Variants in NET1 observed in about 807,000 individuals in gnomAD.
NET1 encodes neuroepithelial cell transforming 1.
In NET1, 42 loss-of-function variants were observed where a neutral mutation model predicts 61.1. The ratio of observed to expected loss-of-function variants is 0.69; its 90% CI spans 0.54 to 0.89. NET1 has a LOEUF of 0.89. NET1 is among the 40% of genes least tolerant of loss of function. NET1 has a pLI of 0.00. For synonymous variants in NET1, 254 were observed against 281.8 expected (o/e 0.90, Z 0.99); for missense variants, 654 against 747.3 (o/e 0.88, Z 1.46).
Position 5,452,988 on chromosome 10 carries a change from A to G in NET1, c.594+68A>G. ...TTACATTTCACAAAATCTAAAGGAT[A>G]GTTTTCTTAACCTTTAGAAGTAGAA... On this transcript the variant is annotated intron_variant, in intron 6 of 11. Coordinates refer to ENST00000355029, the MANE Select transcript of NET1 (RefSeq NM_001047160.3). The surrounding 1 kb of genome is among the most constrained non-coding windows in gnomAD (Gnocchi z 4.0). 9.0e-7 allele frequency: 1 copy of G among 1,111,678 alleles called. No homozygotes were observed. Among genetic ancestry groups the G allele is most frequent in the Non-Finnish European group, 1.4e-6 (1 of 731,844 alleles). The allele number at this position is 1,111,678 out of a possible 1,614,324, so 68.9% of individuals were successfully genotyped here.
In NET1 at chr10:5,446,624, A is replaced by C; in HGVS notation, c.256-5206A>C. 1 of 1,268,410 alleles carries C rather than the reference A, an allele frequency of 7.9e-7. No individual in the cohort carries two copies. The highest frequency in any genetic ancestry group is 1.0e-6 in the Non-Finnish European group (1 of 1,003,220). 78.6% of individuals were successfully genotyped at this position (1,268,410 alleles called of 1,614,324 possible). Reference sequence around the variant, plus strand: ...TGCGGCTCTCAGAAGCCTCTGCTCCACCGCGGCGAGAGGCATGGGCACGTG... The same window carrying C: ...TGCGGCTCTCAGAAGCCTCTGCTCCCCCGCGGCGAGAGGCATGGGCACGTG... On this transcript the variant is annotated intron_variant, in intron 3 of 11. Transcript: ENST00000355029. This position sits in a 1 kb window ranked among gnomAD's most constrained non-coding sequence, Gnocchi z 5.0.
intron 1 of NET1, among the ~76,000 whole-genome samples, chr10:5,425,506 TAA>T (rs1157701654): frequency 2.0e-5 from 3 of 152,198 alleles, no homozygotes; most frequent in Admixed American, 6.6e-5. Flanking sequence ...AGGACTTCAT[TAA>T]TAACTGCCAG....
In NET1 at chr10:5,449,053, G is replaced by C. The variant is rs934581342; in HGVS notation, c.256-2777G>C. Among the ~76,000 whole-genome samples, 2 of 152,046 alleles carry C rather than the reference G, an allele frequency of 1.3e-5. No individual in the cohort carries two copies. The highest frequency in any genetic ancestry group is 3.9e-4 in the East Asian group (2 of 5,180). ...TGTATTCCGAAAGACACAAATTTTTGTCCCAATCTTTTAGGTGGCCTGTGA... is the reference window on the plus strand; with the variant it reads ...TGTATTCCGAAAGACACAAATTTTTCTCCCAATCTTTTAGGTGGCCTGTGA... On this transcript the variant is annotated intron_variant, in intron 3 of 11. Transcript: ENST00000355029. This position sits in a 1 kb window ranked among gnomAD's most constrained non-coding sequence, Gnocchi z 4.4.
chr10:5,418,533 C>A (rs149932853), intron 1 of NET1, among the ~76,000 whole-genome samples: 16 of 152,088 alleles, frequency 1.1e-4, no homozygotes, highest in Non-Finnish European at 2.4e-4. Context: ...TGTCTTCTTT[C>A]TTTTTATGAT....
rs1832310880 is a variant in NET1, at chr10:5,429,286, A to G, written c.255+57A>G. On this transcript the variant is annotated intron_variant, in intron 3 of 11. Transcript: ENST00000355029. The stretch of plus-strand genomic sequence containing the variant: ...TTTAAAAATATGCAGATAGCATTTT[A>G]TTTCTGTGCTGCAAGAATAACAAAT... 6.3e-6 allele frequency: 8 copies of G among 1,264,532 alleles called. No homozygotes were observed. In the South Asian group the frequency reaches 8.2e-5, roughly 13 times the overall value. 78.3% of individuals were successfully genotyped at this position (1,264,532 alleles called of 1,614,324 possible).
In NET1 at chr10:5,429,314, T is replaced by C. The variant is rs1022016799; in HGVS notation, c.255+85T>C. The C allele has an allele frequency of 2.0e-5, 22 of 1,111,966 alleles. No homozygotes were observed. In the African/African-American group the frequency reaches 3.4e-4, roughly 17 times the overall value. 68.9% of individuals were successfully genotyped at this position (1,111,966 alleles called of 1,614,324 possible). A position where few individuals can be genotyped will look rare whatever the true frequency, so the allele number is the denominator to read the frequency against. Reference sequence around the variant, plus strand: ...TCTGTGCTGCAAGAATAACAAATGCTGGTTTGGGTTTTTTTGTTTTTTTGT... The same window carrying C: ...TCTGTGCTGCAAGAATAACAAATGCCGGTTTGGGTTTTTTTGTTTTTTTGT... On this transcript the variant is annotated intron_variant, in intron 3 of 11. Transcript: ENST00000355029.
rs141719067 is a variant in NET1, at chr10:5,421,698, C to T, written c.129-4957C>T. Among the ~76,000 whole-genome samples, 18 of 152,252 alleles carry T rather than the reference C, an allele frequency of 1.2e-4. No individual in the cohort carries two copies. The highest frequency in any genetic ancestry group is 4.3e-4 in the African/African-American group (18 of 41,556). On this transcript the variant is annotated intron_variant, in intron 1 of 11. Coordinates refer to ENST00000355029, the MANE Select transcript of NET1 (RefSeq NM_001047160.3). This position sits in a 1 kb window ranked among gnomAD's most constrained non-coding sequence, Gnocchi z 4.2. ...ATTCACCCTTTGTAGGTGAACAATT[C>T]AGTAATTATCAGTAAATTTATAGAG...
intron 3 of NET1, among the ~76,000 whole-genome samples, chr10:5,436,071 A>G (rs1369424808): frequency 6.6e-6 from 1 of 151,102 alleles, no homozygotes; most frequent in African/African-American, 2.4e-5. Flanking sequence ...ACAAACTAGA[A>G]CACTTCTAAA....
rs1832182473 is a variant in NET1, at chr10:5,422,080, C to T, written c.129-4575C>T. Among the ~76,000 whole-genome samples the T allele has an allele frequency of 6.6e-6, 1 of 152,064 alleles. No individual in the cohort carries two copies. Among genetic ancestry groups the T allele is most frequent in the Non-Finnish European group, 1.5e-5 (1 of 68,004 alleles). ...AGTGTAGGCTGGGCGCGGTGGCTCA[C>T]GCCTATAATCCCAGCACTTTGGGAG... is the stretch of plus-strand genomic sequence containing the variant. On this transcript the variant is annotated intron_variant, in intron 1 of 11. Coordinates refer to ENST00000355029, the MANE Select transcript of NET1 (RefSeq NM_001047160.3). This position sits in a 1 kb window ranked among gnomAD's most constrained non-coding sequence, Gnocchi z 4.1.
chr10:5,453,133 T>G lies in NET1; in HGVS notation c.595-117T>G, dbSNP rs1028915163. 2.6e-6 allele frequency: 2 copies of G among 755,422 alleles called. No individual in the cohort carries two copies. The highest frequency in any genetic ancestry group is 1.7e-5 in the African/African-American group (1 of 57,400). 46.8% of individuals were successfully genotyped at this position (755,422 alleles called of 1,614,324 possible). A position where few individuals can be genotyped will look rare whatever the true frequency, so the allele number is the denominator to read the frequency against. Reference sequence around the variant, plus strand: ...TTAATACATACTAATTTATTTTATGTGTAGCAAACAGAATCCACGCTAGCT... The same window carrying G: ...TTAATACATACTAATTTATTTTATGGGTAGCAAACAGAATCCACGCTAGCT... On this transcript the variant is annotated intron_variant, in intron 6 of 11. Coordinates refer to ENST00000355029, the MANE Select transcript of NET1 (RefSeq NM_001047160.3). This position sits in a 1 kb window ranked among gnomAD's most constrained non-coding sequence, Gnocchi z 4.9.
chr10:5,412,902 G>C lies in NET1; in HGVS notation c.128+82G>C. ...CGAACGGGAGGTGAGTGTTGGAGAG[G>C]CAAGGGCCGGGGGGAGGGGAGGGCT... On this transcript the variant is annotated intron_variant, in intron 1 of 11. Coordinates refer to ENST00000355029, the MANE Select transcript of NET1 (RefSeq NM_001047160.3). The surrounding 1 kb of genome is among the most constrained non-coding windows in gnomAD (Gnocchi z 6.5). 1.1e-6 allele frequency: 1 copy of C among 936,420 alleles called. No individual in the cohort carries two copies. The highest frequency in any genetic ancestry group is 3.5e-5 in the South Asian group (1 of 28,348). 58.0% of individuals were successfully genotyped at this position (936,420 alleles called of 1,614,324 possible). A position where few individuals can be genotyped will look rare whatever the true frequency, so the allele number is the denominator to read the frequency against.
intron 1 of NET1, among the ~76,000 whole-genome samples, chr10:5,414,002 T>C (rs987087172): frequency 4.6e-5 from 7 of 152,192 alleles, no homozygotes; most frequent in South Asian, 2.1e-4. Context: ...TAGGAAATGA[T>C]TTCCTATTGT....
chr10:5,452,265 TTGTC>T lies in NET1; in HGVS notation c.364-91_364-88del. 3 of 1,141,686 alleles carry T rather than the reference TTGTC, an allele frequency of 2.6e-6. No homozygotes were observed. Among genetic ancestry groups the T allele is most frequent in the Non-Finnish European group, 3.5e-6 (3 of 850,778 alleles). The allele number at this position is 1,141,686 out of a possible 1,614,324, so 70.7% of individuals were successfully genotyped here. A position where few individuals can be genotyped will look rare whatever the true frequency, so the allele number is the denominator to read the frequency against. On this transcript the variant is annotated intron_variant, in intron 4 of 11. Coordinates refer to ENST00000355029, the MANE Select transcript of NET1 (RefSeq NM_001047160.3). This position sits in a 1 kb window ranked among gnomAD's most constrained non-coding sequence, Gnocchi z 4.0. The stretch of plus-strand genomic sequence containing the variant: ...TCTGCATTGAGAAATTCTCAGAACT[TTGTC>T]TTTCTTCACTTTAAAAAAAAAGAAA...
chr10:5,454,364 C>T lies in NET1; in HGVS notation c.868C>T (p.Leu290Phe). The change falls in exon 9 of 12, where the codon CTC becomes TTC. Residue 290 changes from leucine (L) to phenylalanine (F), a missense_variant. Coordinates refer to ENST00000355029, the MANE Select transcript of NET1 (RefSeq NM_001047160.3). The surrounding 1 kb of genome is among the most constrained non-coding windows in gnomAD (Gnocchi z 8.1). ...ACAGGATCCAAGAGTCCAAGACTTCCTCCAGCGATGTCTCGAGTCTCCCTT... is the reference window on the plus strand; with the variant it reads ...ACAGGATCCAAGAGTCCAAGACTTCTTCCAGCGATGTCTCGAGTCTCCCTT... ...KKQDPRVQDF[L>F]QRCLESPFSR... The T allele has an allele frequency of 1.2e-6, 2 of 1,614,186 alleles. No homozygotes were observed. Among genetic ancestry groups the T allele is most frequent in the Non-Finnish European group, 1.7e-6 (2 of 1,180,016 alleles).
chr10:5,450,012 CTG>C (rs1292627714), intron 3 of NET1, among the ~76,000 whole-genome samples: 4 of 152,166 alleles, frequency 2.6e-5, no homozygotes, highest in African/African-American at 9.7e-5. Flanking sequence ...ACTCTTTGTG[CTG>C]TCTTTACTAA....
rs532837284 is a variant in NET1, at chr10:5,420,110, T to G, written c.129-6545T>G. On this transcript the variant is annotated intron_variant, in intron 1 of 11. Coordinates refer to ENST00000355029, the MANE Select transcript of NET1 (RefSeq NM_001047160.3). This position sits in a 1 kb window ranked among gnomAD's most constrained non-coding sequence, Gnocchi z 5.3. Reference sequence around the variant, plus strand: ...GTTTCTCTGAAGTTTTTTTCTGCTCTTTTCTCTTTTCCTCTCTTTCTGATA... The same window carrying G: ...GTTTCTCTGAAGTTTTTTTCTGCTCGTTTCTCTTTTCCTCTCTTTCTGATA... 2.0e-5 allele frequency among the ~76,000 whole-genome samples: 3 copies of G among 152,348 alleles called. No individual in the cohort carries two copies. The East Asian group carries it at 5.8e-4, about 29-fold the overall frequency.
chr10:5,422,693 T>C lies in NET1; in HGVS notation c.129-3962T>C, dbSNP rs1832195656. ...AGATATTCCAAGATGTATGTATTAG[T>C]TGAGACTCTCATGCAGATGAGAAAA... is the stretch of plus-strand genomic sequence containing the variant. On this transcript the variant is annotated intron_variant, in intron 1 of 11. Transcript: ENST00000355029. This position sits in a 1 kb window ranked among gnomAD's most constrained non-coding sequence, Gnocchi z 4.1. Among the ~76,000 whole-genome samples, 1 of 152,176 alleles carries C rather than the reference T, an allele frequency of 6.6e-6. No homozygotes were observed. Among genetic ancestry groups the C allele is most frequent in the Admixed American group, 6.5e-5 (1 of 15,288 alleles).
intron 1 of NET1, among the ~76,000 whole-genome samples, chr10:5,413,040 G>T (rs1832027406): frequency 1.5e-5 from 2 of 132,206 alleles, no homozygotes; most frequent in East Asian, 2.5e-4. Flanking sequence ...CGGGGTTGGG[G>T]GGGGGGACGG....
At chr10:5,430,949 G>A (rs1832340757) in intron 3 of NET1, among the ~76,000 whole-genome samples, 1 of 148,068 alleles carries the variant, frequency 6.8e-6, no homozygotes, top group African/African-American at 2.5e-5. Context: ...TCTGCTCACT[G>A]CAAGCTCCGC....
Sources: gnomAD v4.1 joint callset for allele counts (sites outside exome capture counted in the v4.1 genomes callset) on GRCh38, gnomAD v4.1.1 for gene constraint, Gnocchi (gnomAD v3.1) non-coding constraint, MANE v1.5 for transcripts, NCBI Gene and HGNC (gene_info 2026-07-23, HGNC 2026-07-21) for gene names.